The following TNNI3K variants were observed in gnomAD, a reference collection of about 807,000 sequenced individuals.
TNNI3K encodes TNNI3 interacting kinase.
TNNI3K carries 140 observed loss-of-function variants against 114.5 expected under a neutral mutation model. The ratio of observed to expected loss-of-function variants is 1.22; its 90% CI spans 1.07 to 1.41. The LOEUF (loss-of-function observed/expected upper bound fraction) is 1.41. Among genes scored for constraint, TNNI3K ranks in the 40% most tolerant of loss-of-function variants. The pLI, the probability that TNNI3K is intolerant of heterozygous loss-of-function variation, is 0.00. For missense variants in TNNI3K, 1,125 were observed against 1,007.6 expected (o/e 1.12, Z -1.58); for synonymous variants, 347 against 347.5 (o/e 1.00, Z 0.02).
intron 20 of TNNI3K, among the ~76,000 whole-genome samples, chr1:74,453,142 G>A (rs563006653): frequency 1.3e-5 from 2 of 152,196 alleles, no homozygotes; most frequent in East Asian, 1.9e-4. Flanking sequence ...AGGTAAAAAT[G>A]TCCCTGAGAT....
chr1:74,264,505 T>C (rs1466198236), intron 4 of TNNI3K, among the ~76,000 whole-genome samples: 1 of 152,078 alleles, frequency 6.6e-6, no homozygotes, highest in East Asian at 1.9e-4. Flanking sequence ...TTTTTCTTTA[T>C]AAAAACAAAT....
At chr1:74,412,049 A>AT (rs1357127883) in intron 17 of TNNI3K, among the ~76,000 whole-genome samples, 1 of 152,192 alleles carries the variant, frequency 6.6e-6, no homozygotes, top group African/African-American at 2.4e-5. Flanking sequence ...ATATTTAAAC[A>AT]TAGCTACAAA....
intron 6 of TNNI3K, among the ~76,000 whole-genome samples, chr1:74,332,542 C>A (rs1156633265): frequency 6.6e-6 from 1 of 152,098 alleles, no homozygotes; most frequent in African/African-American, 2.4e-5. Context: ...CCTCGTGATC[C>A]TCCTGCCTCG....
intron 4 of TNNI3K, among the ~76,000 whole-genome samples, chr1:74,269,403 A>C (rs999320040): frequency 6.6e-6 from 1 of 151,914 alleles, no homozygotes; most frequent in Non-Finnish European, 1.5e-5. Context: ...TTTGTTTAGC[A>C]TATAAAGGGT....
chr1:74,519,891 A>T (rs963894946), intron 23 of TNNI3K, among the ~76,000 whole-genome samples: 3 of 152,074 alleles, frequency 2.0e-5, no homozygotes, highest in Non-Finnish European at 4.4e-5. Flanking sequence ...GGGAGCACAG[A>T]TCCACCTTCT....
chr1:74,365,894 T>A (rs1662245179), intron 11 of TNNI3K, among the ~76,000 whole-genome samples: 1 of 152,046 alleles, frequency 6.6e-6, no homozygotes, highest in Admixed American at 6.6e-5. Context: ...AGACACTAGT[T>A]TTTAACTATG....
At chr1:74,425,823 C>T (rs576241992) in intron 17 of TNNI3K, among the ~76,000 whole-genome samples, 1 of 152,072 alleles carries the variant, frequency 6.6e-6, no homozygotes, top group Admixed American at 6.6e-5. Context: ...AGAGGGTATT[C>T]TGGGGACAGT....
At chr1:74,469,536 T>A in intron 21 of TNNI3K, 1 of 181,566 alleles carries the variant, frequency 5.5e-6, no homozygotes. Context: ...AATGTAAATC[T>A]GCTCAAATAC....
intron 4 of TNNI3K, among the ~76,000 whole-genome samples, chr1:74,265,571 A>C (rs1328231415): frequency 6.6e-6 from 1 of 152,056 alleles, no homozygotes; most frequent in African/African-American, 2.4e-5. Context: ...TCTGCCACAC[A>C]TGAGGAAATG....
intron 5 of TNNI3K, among the ~76,000 whole-genome samples, chr1:74,282,810 T>C (rs1159545562): frequency 6.6e-6 from 1 of 152,212 alleles, no homozygotes; most frequent in Non-Finnish European, 1.5e-5. Flanking sequence ...ACCTTGTCTC[T>C]GATAAGTCTC....
intron 5 of TNNI3K, among the ~76,000 whole-genome samples, chr1:74,287,875 C>G (rs1427173029): frequency 6.6e-6 from 1 of 151,992 alleles, no homozygotes; most frequent in Non-Finnish European, 1.5e-5. Flanking sequence ...GAATTCAACT[C>G]AGCAACTCAG....
At chr1:74,480,052 A>G in intron 21 of TNNI3K, 1 of 618,042 alleles carries the variant, frequency 1.6e-6, no homozygotes, top group East Asian at 2.7e-5. Context: ...TCCTTTCCAT[A>G]GCCCTGGCAA....
At chr1:74,237,837 T>C (rs1473893811) in intron 2 of TNNI3K, among the ~76,000 whole-genome samples, 1 of 152,046 alleles carries the variant, frequency 6.6e-6, no homozygotes, top group Non-Finnish European at 1.5e-5. Flanking sequence ...AAGACATTAT[T>C]TAATCTATAG....
intron 17 of TNNI3K, among the ~76,000 whole-genome samples, chr1:74,395,824 A>G (rs1389902674): frequency 6.6e-6 from 1 of 152,156 alleles, no homozygotes; most frequent in East Asian, 1.9e-4. Context: ...GAGGGAACTG[A>G]AGAGACTCCC....
In TNNI3K at chr1:74,432,004, A is replaced by G. The variant is rs866248650; in HGVS notation, c.1773-4076A>G. On this transcript the variant is annotated intron_variant, in intron 17 of 24. Transcript: ENST00000326637. ...CCAAACTTGCTGTTATCTAAAAAGC[A>G]TTCCTCAGTGACTCTTCACCCTTGA... Among the ~76,000 whole-genome samples the G allele has an allele frequency of 5.9e-5, 9 of 152,238 alleles. No homozygotes were observed. In the South Asian group the frequency reaches 1.5e-3, roughly 25 times the overall value.
intron 11 of TNNI3K, among the ~76,000 whole-genome samples, chr1:74,357,563 G>A (rs1357665580): frequency 6.6e-6 from 1 of 152,062 alleles, no homozygotes; most frequent in Non-Finnish European, 1.5e-5. Context: ...TCAGAAAAGG[G>A]TTTACTCACT....
chr1:74,481,302 C>T (rs1254010669), intron 21 of TNNI3K, among the ~76,000 whole-genome samples: 2 of 152,092 alleles, frequency 1.3e-5, no homozygotes, highest in South Asian at 2.1e-4. Context: ...GCCCTCCCTC[C>T]GAGGCTATGT....
At position 74,343,019 on chromosome 1, in the gene TNNI3K, A is replaced by T; in HGVS notation, c.827+33A>T. ...TTATGTAGCATTCCATAGGTTCTCCAGGTATACTGCATGTACTTGCTTACA... is the reference window on the plus strand; with the variant it reads ...TTATGTAGCATTCCATAGGTTCTCCTGGTATACTGCATGTACTTGCTTACA... On this transcript the variant is annotated intron_variant, in intron 8 of 24. Transcript: ENST00000326637. 3 of 1,613,630 alleles carry T rather than the reference A, an allele frequency of 1.9e-6. No homozygotes were observed. The South Asian group carries it at 3.3e-5, about 18-fold the overall frequency.
Position 74,391,815 on chromosome 1 carries a change from G to A in TNNI3K, c.1772+21423G>A, listed in dbSNP as rs543896928. 5.7e-4 allele frequency among the ~76,000 whole-genome samples: 87 copies of A among 152,224 alleles called. 1 individual carries two copies. The highest frequency in any genetic ancestry group is 1.9e-3 in the African/African-American group (80 of 41,524). ...CTGAGAAAGGGAAAAAGGAAAGCCAGCAGCAAATGGTGCTATGGGAGCTGA... is the reference window on the plus strand; with the variant it reads ...CTGAGAAAGGGAAAAAGGAAAGCCAACAGCAAATGGTGCTATGGGAGCTGA... On this transcript the variant is annotated intron_variant, in intron 17 of 24. Transcript: ENST00000326637.
Sources: gnomAD v4.1 joint callset for allele counts (sites outside exome capture counted in the v4.1 genomes callset) on GRCh38, gnomAD v4.1.1 for gene constraint, MANE v1.5 for transcripts, NCBI Gene and HGNC (gene_info 2026-07-23, HGNC 2026-07-21) for gene names.